The following SPATA6L variants were observed in gnomAD, a reference collection of about 807,000 sequenced individuals.
SPATA6L encodes the protein spermatogenesis associated 6-like protein.
Under a neutral mutation model 49.2 loss-of-function variants are expected in SPATA6L, and 68 were observed. That is an observed-to-expected ratio of 1.38 (90% CI 1.14 to 1.69). The LOEUF (loss-of-function observed/expected upper bound fraction) is 1.69. SPATA6L is among the 40% of genes most tolerant of loss of function. The probability of loss-of-function intolerance (pLI) is 0.00; values close to 1 mark genes in which losing one functional copy is unlikely to be tolerated. For synonymous variants in SPATA6L, 198 were observed against 165.7 expected, an observed-to-expected ratio of 1.19 and a Z score of -1.50; for missense variants, 668 against 464.3, an observed-to-expected ratio of 1.44 and a Z score of -4.03.
chr9:4,614,013 G>C (rs1271166722), intron 9 of SPATA6L, among the ~76,000 whole-genome samples: 2 of 152,116 alleles, frequency 1.3e-5, no homozygotes, highest in Non-Finnish European at 2.9e-5. Flanking sequence ...CAATACCAAA[G>C]CGACTCTTTC....
At chr9:4,608,940 G>A (rs1359849607) in intron 9 of SPATA6L, among the ~76,000 whole-genome samples, 6 of 152,020 alleles carry the variant, frequency 3.9e-5, no homozygotes, top group East Asian at 1.9e-4. Context: ...TCAAATAGAC[G>A]CAATATAAAA....
In SPATA6L at chr9:4,604,578, G is replaced by C. The variant is rs575302162; in HGVS notation, c.1090-309C>G. 3.9e-5 allele frequency among the ~76,000 whole-genome samples: 6 copies of C among 152,210 alleles called. No homozygotes were observed. In the South Asian group the frequency reaches 1.2e-3, roughly 32 times the overall value. ...TACATTTTAAAGAGATTCCTTGCCT[G>C]AAAAGGTTGGGAATTAAAGCAAAGC... On this transcript the variant is annotated intron_variant, in intron 10 of 11. Transcript: ENST00000682582.
chr9:4,593,640 C>T (rs1394829619), downstream of SPATA6L, among the ~76,000 whole-genome samples: 2 of 152,192 alleles, frequency 1.3e-5, no homozygotes, highest in Admixed American at 6.5e-5. Context: ...CCTGAAACTC[C>T]GAGGTCATCA....
At chr9:4,589,829 A>G (rs1821790831) in intron 13 of SPATA6L, among the ~76,000 whole-genome samples, 1 of 152,194 alleles carries the variant, frequency 6.6e-6, no homozygotes, top group Non-Finnish European at 1.5e-5. Flanking sequence ...ACCCTGTGGG[A>G]GGAAGTGTAC....
intron 9 of SPATA6L, among the ~76,000 whole-genome samples, chr9:4,606,108 T>C (rs1166018972): frequency 6.6e-6 from 1 of 152,106 alleles, no homozygotes; most frequent in Admixed American, 6.5e-5. Context: ...TCCTACGGGC[T>C]TAAAAAATGG....
rs371096039 is a variant in SPATA6L at position 4,663,593 on chromosome 9, G to A, written c.40-1557C>T. 1.8e-5 allele frequency: 5 copies of A among 275,926 alleles called. No individual in the cohort carries two copies. The South Asian group carries it at 3.9e-4, about 21-fold the overall frequency. 17.1% of individuals were successfully genotyped at this position (275,926 alleles called of 1,614,324 possible). ...AAAAGTTGGTATCAGTAAGATTTGT[G>A]TTTTGTGATAATCCCTAAATCAACA... On this transcript the variant is annotated intron_variant, in intron 1 of 11. Coordinates refer to ENST00000682582, the MANE Select transcript of SPATA6L (RefSeq NM_001353486.2).
chr9:4,650,976 A>G (rs544201998), intron 3 of SPATA6L, among the ~76,000 whole-genome samples: 2 of 152,246 alleles, frequency 1.3e-5, no homozygotes, highest in African/African-American at 2.4e-5. Flanking sequence ...TGCTGGGATT[A>G]CAGGCATGAG....
chr9:4,629,769 G>GTATATATA (rs35908661), intron 4 of SPATA6L, among the ~76,000 whole-genome samples: 2,562 of 101,816 alleles, frequency 0.025, 66 homozygotes, highest in Middle Eastern at 0.039. Context: ...GTGTGTGTGT[G>GTATATATA]TATATATATA....
In SPATA6L at chr9:4,624,874, T is replaced by A. The variant is rs185128546; in HGVS notation, c.669+453A>T. 3.0e-3 allele frequency among the ~76,000 whole-genome samples: 457 copies of A among 152,280 alleles called. 6 individuals are homozygous for A. Among genetic ancestry groups the A allele is most frequent in the African/African-American group, 0.011 (438 of 41,548 alleles). On this transcript the variant is annotated intron_variant, in intron 6 of 11. Transcript: ENST00000682582. ...CATTGCTTCTTCCTACAAATAAAAC[T>A]TTTCTGGCTCTTCAATATATGGCCA...
chr9:4,663,640 C>T lies in SPATA6L; in HGVS notation c.40-1604G>A, dbSNP rs149457584. ...AACATACCACTTGTAAACTGAACTT[C>T]GAGAAAGAAACATGATGTTCATTCT... is the stretch of plus-strand genomic sequence containing the variant. On this transcript the variant is annotated intron_variant, in intron 1 of 11. Transcript: ENST00000682582. 1.0e-3 allele frequency: 206 copies of T among 203,900 alleles called. 1 individual carries two copies. The highest frequency in any genetic ancestry group is 4.5e-3 in the African/African-American group (191 of 42,816). The allele number at this position is 203,900 out of a possible 1,614,324, so 12.6% of individuals were successfully genotyped here. A position where few individuals can be genotyped will look rare whatever the true frequency, so the allele number is the denominator to read the frequency against.
At chr9:4,663,010 C>T (rs1840237538) in intron 1 of SPATA6L, 1 of 1,612,718 alleles carries the variant, frequency 6.2e-7, no homozygotes, top group South Asian at 1.1e-5. Flanking sequence ...TCCTTCCCCT[C>T]GGGCCATGCC....
chr9:4,646,342 G>A (rs1024127424), intron 3 of SPATA6L: 4 of 437,066 alleles, frequency 9.2e-6, no homozygotes, highest in Non-Finnish European at 1.6e-5. Context: ...GCAGAAAAAA[G>A]GCATGTGTTA....
intron 6 of SPATA6L, among the ~76,000 whole-genome samples, chr9:4,624,053 G>T (rs533563660): frequency 6.6e-6 from 1 of 152,228 alleles, no homozygotes; most frequent in South Asian, 2.1e-4. Flanking sequence ...TTCACTTCGA[G>T]ATTTACTACA....
chr9:4,629,769 G>GTATATATATATATATATATA lies in SPATA6L; in HGVS notation c.352-621_352-602dup, dbSNP rs35908661. ...GTGTTTTATATATGTGTGTGTGTGT[G>GTATATATATATATATATATA]TATATATATATATATATATATATAT... On this transcript the variant is annotated intron_variant, in intron 4 of 11. Coordinates refer to ENST00000682582, the MANE Select transcript of SPATA6L (RefSeq NM_001353486.2). Among the ~76,000 whole-genome samples, 65 of 101,908 alleles carry GTATATATATATATATATATA rather than the reference G, an allele frequency of 6.4e-4. 1 individual carries two copies. Among genetic ancestry groups the GTATATATATATATATATATA allele is most frequent in the African/African-American group, 7.9e-4 (16 of 20,144 alleles). The allele number at this position is 101,908 out of a possible 152,430, so 66.9% of individuals were successfully genotyped here. A position where few individuals can be genotyped will look rare whatever the true frequency, so the allele number is the denominator to read the frequency against.
chr9:4,610,251 C>T (rs1413908303), intron 9 of SPATA6L, among the ~76,000 whole-genome samples: 2 of 149,494 alleles, frequency 1.3e-5, no homozygotes, highest in East Asian at 3.9e-4. Flanking sequence ...AATGCCATCC[C>T]CATCAAGCTA....
chr9:4,591,831 A>T (rs1383363527), intron 13 of SPATA6L, among the ~76,000 whole-genome samples: 1 of 152,186 alleles, frequency 6.6e-6, no homozygotes, highest in African/African-American at 2.4e-5. Flanking sequence ...GTTTGCTTCT[A>T]TATCAATCCA....
downstream of SPATA6L, among the ~76,000 whole-genome samples, chr9:4,598,016 C>T (rs138476731): frequency 1.2e-3 from 180 of 152,272 alleles, 4 homozygotes; most frequent in South Asian, 6.6e-3. Flanking sequence ...ACCTAAAACC[C>T]GCCACCTCTT....
chr9:4,604,696 C>T (rs1824276515), intron 10 of SPATA6L, among the ~76,000 whole-genome samples: 2 of 152,320 alleles, frequency 1.3e-5, no homozygotes, highest in Admixed American at 6.5e-5. Flanking sequence ...GCAAATCTAG[C>T]ATATGTCAGT....
At chr9:4,640,188 G>A (rs1375500354) in intron 3 of SPATA6L, among the ~76,000 whole-genome samples, 1 of 152,292 alleles carries the variant, frequency 6.6e-6, no homozygotes, top group African/African-American at 2.4e-5. Flanking sequence ...TTAATAAAAA[G>A]AAAGCATCAA....
Sources: gnomAD v4.1 joint callset for allele counts (sites outside exome capture counted in the v4.1 genomes callset) on GRCh38, gnomAD v4.1.1 for gene constraint, MANE v1.5 for transcripts, NCBI Gene and HGNC (gene_info 2026-07-23, HGNC 2026-07-21) for gene names.